PDE10A: variants seen among roughly 807,000 people sequenced by gnomAD.
PDE10A encodes the protein phosphodiesterase 10A, also known as cAMP and cAMP-inhibited cGMP 3',5'-cyclic phosphodiesterase 10A.
In PDE10A, 39 loss-of-function variants were observed where a neutral mutation model predicts 97.7. That is an observed-to-expected ratio of 0.40 (90% CI 0.31 to 0.52). PDE10A has a LOEUF of 0.52. PDE10A is among the 20% of genes least tolerant of loss of function. PDE10A has a pLI of 0.56. For synonymous variants in PDE10A, 371 were observed against 376.8 expected (o/e 0.98, Z 0.18); for missense variants, 731 against 1,047.8 (o/e 0.70, Z 4.17).
intron 16 of PDE10A, among the ~76,000 whole-genome samples, chr6:165,390,030 T>A (rs1785576685): frequency 6.6e-6 from 1 of 152,184 alleles, no homozygotes; most frequent in Non-Finnish European, 1.5e-5. Flanking sequence ...TTAAAGAATA[T>A]TGACTCAATG....
At chr6:165,942,742 C>T (rs1299903601) in intron 1 of PDE10A, among the ~76,000 whole-genome samples, 1 of 152,140 alleles carries the variant, frequency 6.6e-6, no homozygotes, top group Non-Finnish European at 1.5e-5. Context: ...AGTGCTTTAA[C>T]CTCGACAGTG....
At chr6:165,741,322 A>G (rs1165281382) in intron 1 of PDE10A, among the ~76,000 whole-genome samples, 1 of 152,146 alleles carries the variant, frequency 6.6e-6, no homozygotes, top group Non-Finnish European at 1.5e-5. Flanking sequence ...TTGAAAAATT[A>G]TTGCCTGAAA....
intron 1 of PDE10A, among the ~76,000 whole-genome samples, chr6:165,810,562 A>G (rs1779254992): frequency 6.6e-6 from 1 of 152,094 alleles, no homozygotes; most frequent in African/African-American, 2.4e-5. Flanking sequence ...GTCCCCAGCC[A>G]CTTATGCTCT....
At chr6:165,892,076 G>A (rs1201973871) in intron 1 of PDE10A, among the ~76,000 whole-genome samples, 1 of 152,194 alleles carries the variant, frequency 6.6e-6, no homozygotes, top group Admixed American at 6.5e-5. Flanking sequence ...CATGAGGCGG[G>A]TGAAGAAGGA....
intron 1 of PDE10A, among the ~76,000 whole-genome samples, chr6:165,751,987 G>GA (rs1369468379): frequency 2.0e-5 from 3 of 151,708 alleles, no homozygotes; most frequent in Non-Finnish European, 4.4e-5. Flanking sequence ...AAAAAAAAGT[G>GA]AAAAAACTAG....
chr6:165,742,180 C>G (rs747882718), intron 1 of PDE10A, among the ~76,000 whole-genome samples: 1 of 152,138 alleles, frequency 6.6e-6, no homozygotes, highest in Non-Finnish European at 1.5e-5. Flanking sequence ...TGTGACAAAG[C>G]CTAAATTAAA....
At chr6:165,665,717 A>G (rs144262688), upstream of PDE10A, among the ~76,000 whole-genome samples, 1 of 152,236 alleles carries the variant, frequency 6.6e-6, no homozygotes, top group Non-Finnish European at 1.5e-5. Flanking sequence ...CTAAAAGAAT[A>G]TTAAGAGGGT....
At chr6:165,635,656 G>A (rs1036374040) in intron 1 of PDE10A, among the ~76,000 whole-genome samples, 1 of 152,142 alleles carries the variant, frequency 6.6e-6, no homozygotes, top group African/African-American at 2.4e-5. Flanking sequence ...TTTATTCAGA[G>A]GTTTCAAATA....
chr6:165,847,440 C>T (rs1780450574), intron 1 of PDE10A, among the ~76,000 whole-genome samples: 1 of 152,270 alleles, frequency 6.6e-6, no homozygotes, highest in Admixed American at 6.5e-5. Context: ...ACAGACAACG[C>T]TTCCACGGCC....
chr6:165,742,846 C>T (rs1392927220), intron 1 of PDE10A, among the ~76,000 whole-genome samples: 1 of 152,168 alleles, frequency 6.6e-6, no homozygotes, highest in Non-Finnish European at 1.5e-5. Flanking sequence ...ACACAGAAAA[C>T]AGAGACTGCA....
intron 1 of PDE10A, among the ~76,000 whole-genome samples, chr6:165,784,153 G>A (rs547313743): frequency 1.3e-5 from 2 of 151,690 alleles, no homozygotes; most frequent in East Asian, 3.9e-4. Context: ...GGGAGGCGGG[G>A]AGGTTGCAGT....
chr6:165,974,560 A>C (rs141479713), intron 1 of PDE10A, among the ~76,000 whole-genome samples: 1 of 152,382 alleles, frequency 6.6e-6, no homozygotes, highest in African/African-American at 2.4e-5. Context: ...AAGATATCAT[A>C]AGCAATAATT....
chr6:165,343,341 C>A (rs371436750), intron 19 of PDE10A, 50 bp downstream of exon 19: 6 of 1,212,384 alleles, frequency 4.9e-6, no homozygotes, highest in Non-Finnish European at 7.4e-6. Flanking sequence ...TTGATCCATA[C>A]GTTTTATTTC....
chr6:165,811,758 G>A (rs948062217), intron 1 of PDE10A, among the ~76,000 whole-genome samples: 1 of 152,346 alleles, frequency 6.6e-6, no homozygotes, highest in South Asian at 2.1e-4. Flanking sequence ...ATGATCTGGT[G>A]TATCACTCCC....
At chr6:165,385,356 A>G (rs1785234166) in intron 17 of PDE10A, among the ~76,000 whole-genome samples, 1 of 152,262 alleles carries the variant, frequency 6.6e-6, no homozygotes, top group African/African-American at 2.4e-5. Context: ...ACAGGGTTCA[A>G]CTGCTTGGGC....
At chr6:165,825,456 A>G (rs529313086) in intron 1 of PDE10A, among the ~76,000 whole-genome samples, 1 of 152,264 alleles carries the variant, frequency 6.6e-6, no homozygotes, top group African/African-American at 2.4e-5. Flanking sequence ...AGATCCCTGA[A>G]ATACGGCCCA....
chr6:165,480,112 C>T (rs1779518292), intron 3 of PDE10A, among the ~76,000 whole-genome samples: 1 of 152,070 alleles, frequency 6.6e-6, no homozygotes, highest in Non-Finnish European at 1.5e-5. Flanking sequence ...GACTGTCAAC[C>T]CACATCTTAA....
At chr6:165,410,722 T>C (rs1411181100) in intron 13 of PDE10A, among the ~76,000 whole-genome samples, 1 of 151,870 alleles carries the variant, frequency 6.6e-6, no homozygotes, top group African/African-American at 2.4e-5. Context: ...TGAGGACACA[T>C]CCGCACGTGA....
chr6:165,682,847 GT>G (rs1246145722), intron 1 of PDE10A, among the ~76,000 whole-genome samples: 2 of 152,188 alleles, frequency 1.3e-5, no homozygotes, highest in Admixed American at 6.5e-5. Flanking sequence ...CTGGTCATCG[GT>G]TTGTACATCC....
Sources: gnomAD v4.1 joint callset for allele counts (sites outside exome capture counted in the v4.1 genomes callset) on GRCh38, gnomAD v4.1.1 for gene constraint, MANE v1.5 for transcripts, NCBI Gene and HGNC (gene_info 2026-07-23, HGNC 2026-07-21) for gene names.